ARHGEF38: variants seen among roughly 807,000 people sequenced by gnomAD.
ARHGEF38 encodes the protein Rho guanine nucleotide exchange factor (GEF) 38.
A neutral mutation model predicts 79.9 loss-of-function variants in ARHGEF38; 79 were observed. That is an observed-to-expected ratio of 0.99 (90% CI 0.82 to 1.19). ARHGEF38 has a LOEUF of 1.19. Among genes scored for constraint, ARHGEF38 ranks in the 50% most tolerant of loss-of-function variants. The probability of loss-of-function intolerance (pLI) is 0.00; values close to 1 mark genes in which losing one functional copy is unlikely to be tolerated. For missense variants in ARHGEF38, 962 were observed against 907.2 expected (o/e 1.06, Z -0.78); for synonymous variants, 366 against 328.3 (o/e 1.11, Z -1.24).
At chr4:105,573,436 T>A (rs1377761394) in intron 1 of ARHGEF38, among the ~76,000 whole-genome samples, 1 of 152,236 alleles carries the variant, frequency 6.6e-6, no homozygotes, top group Non-Finnish European at 1.5e-5. Context: ...AACTTCATTC[T>A]TTTGCATGCA....
At position 105,582,033 on chromosome 4, in the gene ARHGEF38, C is replaced by T. The variant is rs186986421; in HGVS notation, c.197-7215C>T. Among the ~76,000 whole-genome samples the T allele has an allele frequency of 4.1e-3, 624 of 151,840 alleles. 2 individuals carry two copies. The highest frequency in any genetic ancestry group is 7.0e-3 in the Non-Finnish European group (474 of 67,896). Reference sequence around the variant, plus strand: ...ACAAAAAATTGGCTGGGTGTGGTGGCGGGCGCCTGTAATCCCAGCTACTCA... The same window carrying T: ...ACAAAAAATTGGCTGGGTGTGGTGGTGGGCGCCTGTAATCCCAGCTACTCA... On this transcript the variant is annotated intron_variant, in intron 1 of 13. Transcript: ENST00000420470.
intron 2 of ARHGEF38, 88 bp downstream of exon 2, chr4:105,589,523 A>G (rs1727222813): frequency 5.1e-6 from 6 of 1,178,614 alleles, no homozygotes; most frequent in Non-Finnish European, 7.0e-6. Flanking sequence ...AGGTGTATCA[A>G]TGGGATGATG....
chr4:105,612,670 C>G (rs1171589097), intron 2 of ARHGEF38, among the ~76,000 whole-genome samples: 5 of 152,106 alleles, frequency 3.3e-5, no homozygotes, highest in Admixed American at 1.3e-4. Context: ...AGTTGTCCAT[C>G]CCTCTACTAA....
At chr4:105,572,306 C>A (rs1241810843) in intron 1 of ARHGEF38, among the ~76,000 whole-genome samples, 1 of 151,988 alleles carries the variant, frequency 6.6e-6, no homozygotes. Flanking sequence ...GCCCAGGAAG[C>A]CTTGCTATGT....
chr4:105,614,116 G>A (rs989028253), intron 3 of ARHGEF38, among the ~76,000 whole-genome samples: 1 of 151,962 alleles, frequency 6.6e-6, no homozygotes, highest in Non-Finnish European at 1.5e-5. Context: ...GAAAAGTATT[G>A]AGCCAAATTT....
intron 2 of ARHGEF38, among the ~76,000 whole-genome samples, chr4:105,592,013 T>C (rs11940458): frequency 0.029 from 4,451 of 152,298 alleles, 229 homozygotes; most frequent in African/African-American, 0.1. Context: ...TTCATTTACA[T>C]ACTTATTCAA....
chr4:105,649,474 T>A (rs1730000042), intron 7 of ARHGEF38, among the ~76,000 whole-genome samples: 2 of 152,184 alleles, frequency 1.3e-5, no homozygotes, highest in South Asian at 4.1e-4. Flanking sequence ...AGAACACACT[T>A]GCAATTCTTT....
chr4:105,673,135 A>G (rs1489381410), intron 13 of ARHGEF38, among the ~76,000 whole-genome samples: 1 of 152,182 alleles, frequency 6.6e-6, no homozygotes, highest in African/African-American at 2.4e-5. Flanking sequence ...TATAGAGTGT[A>G]GCCTAATCAC....
At chr4:105,613,352 C>T in intron 2 of ARHGEF38, 32 bp from the exon 3 acceptor site, 2 of 1,605,894 alleles carry the variant, frequency 1.2e-6, no homozygotes, top group Non-Finnish European at 1.7e-6. Flanking sequence ...TACAGTGCTT[C>T]TCCATCAGCT....
At position 105,666,309 on chromosome 4, in the gene ARHGEF38, GT is replaced by G; in HGVS notation, c.1679del (p.Val560GlyfsTer52). The stretch of plus-strand genomic sequence containing the variant: ...ACTCAGTTTTGAAAAGAAGAAACCT[GT>G]GCAGATTCTGGTGAGTTTGGCAGCA... ...RKLSFEKKKP[V>X]QILPEMPHQT... On this transcript the variant is annotated frameshift_variant, in exon 11 of 14. Transcript: ENST00000420470. LOFTEE classifies it high-confidence loss of function. 1 of 1,526,146 alleles carries G rather than the reference GT, an allele frequency of 6.6e-7. No homozygotes were observed. Among genetic ancestry groups the G allele is most frequent in the Non-Finnish European group, 8.7e-7 (1 of 1,143,684 alleles). The allele number at this position is 1,526,146 out of a possible 1,614,324, so 94.5% of individuals were successfully genotyped here.
At chr4:105,649,144 C>A (rs556586020) in intron 7 of ARHGEF38, among the ~76,000 whole-genome samples, 3 of 152,192 alleles carry the variant, frequency 2.0e-5, no homozygotes, top group Admixed American at 6.5e-5. Context: ...TGTTTAGAGG[C>A]ATAACTTAGT....
chr4:105,630,417 T>C (rs1222378536), intron 3 of ARHGEF38, among the ~76,000 whole-genome samples: 2 of 152,086 alleles, frequency 1.3e-5, no homozygotes, highest in Non-Finnish European at 2.9e-5. Context: ...CTGATTTTTG[T>C]ATTTTTAGTA....
At chr4:105,659,529 T>A (rs1730477951) in intron 10 of ARHGEF38, among the ~76,000 whole-genome samples, 164 bp downstream of exon 10, 1 of 152,168 alleles carries the variant, frequency 6.6e-6, no homozygotes, top group South Asian at 2.1e-4. Flanking sequence ...TCCTTATCTG[T>A]CTTATCCATG....
intron 3 of ARHGEF38, among the ~76,000 whole-genome samples, chr4:105,629,199 C>A (rs1444124603): frequency 2.0e-5 from 3 of 152,136 alleles, no homozygotes; most frequent in Non-Finnish European, 2.9e-5. Flanking sequence ...GTTTAGTGTT[C>A]TTTCCAAGTG....
intron 1 of ARHGEF38, among the ~76,000 whole-genome samples, chr4:105,571,927 G>C (rs985081142): frequency 6.6e-6 from 1 of 152,158 alleles, no homozygotes; most frequent in Admixed American, 6.5e-5. Context: ...GAAGCCAGGC[G>C]AAAGTACATT....
intron 13 of ARHGEF38, among the ~76,000 whole-genome samples, chr4:105,668,013 C>T (rs1447600214): frequency 6.6e-6 from 1 of 151,864 alleles, no homozygotes; most frequent in African/African-American, 2.4e-5. Context: ...CTTTTTATAC[C>T]CCCTCCATCA....
intron 2 of ARHGEF38, among the ~76,000 whole-genome samples, 170 bp from the exon 3 acceptor site, chr4:105,613,214 C>T (rs1294969728): frequency 6.6e-6 from 1 of 151,948 alleles, no homozygotes; most frequent in African/African-American, 2.4e-5. Context: ...ATGCATCATC[C>T]CAATTTCTTG....
chr4:105,672,026 C>A (rs1379839362), intron 13 of ARHGEF38, among the ~76,000 whole-genome samples: 1 of 152,060 alleles, frequency 6.6e-6, no homozygotes, highest in African/African-American at 2.4e-5. Context: ...CAGGGGGTAT[C>A]TTTGGGTCTC....
chr4:105,648,809 C>A, intron 7 of ARHGEF38, 127 bp downstream of exon 7: 1 of 874,456 alleles, frequency 1.1e-6, no homozygotes, highest in Non-Finnish European at 1.6e-6. Context: ...CTATGCTGTT[C>A]TCTTGTCTCC....
Sources: gnomAD v4.1 joint callset for allele counts (sites outside exome capture counted in the v4.1 genomes callset) on GRCh38, gnomAD v4.1.1 for gene constraint, MANE v1.5 for transcripts, NCBI Gene and HGNC (gene_info 2026-07-23, HGNC 2026-07-21) for gene names.